The following NAP1L1 variants were observed in gnomAD, a reference collection of about 807,000 sequenced individuals.
NAP1L1 encodes nucleosome assembly protein 1 like 1, also known as nucleosome assembly protein 1-like 1.
Under a neutral mutation model 58.9 loss-of-function variants are expected in NAP1L1, and 9 were observed. The observed-to-expected ratio is 0.15, with a 90% confidence interval of 0.09 to 0.27. NAP1L1 has a LOEUF of 0.27. NAP1L1 is among the 10% of genes least tolerant of loss of function. The pLI is 1.00. For synonymous variants in NAP1L1, 130 were observed against 138.3 expected (o/e 0.94, Z 0.42); for missense variants, 302 against 458.8 (o/e 0.66, Z 3.12).
rs200427638 is a variant in NAP1L1, at chr12:76,069,006, T to C, written c.18-12A>G. 1.6e-5 allele frequency: 25 copies of C among 1,585,698 alleles called. 1 individual carries two copies. The highest frequency in any genetic ancestry group is 1.7e-4 in the Middle Eastern group (1 of 5,976). On this transcript the variant is annotated splice_polypyrimidine_tract_variant and intron_variant, in intron 2 of 14. Coordinates refer to ENST00000618691, the MANE Select transcript of NAP1L1 (RefSeq NM_004537.7). Reference sequence around the variant, plus strand: ...CAGACTGTTCTTTGCTATAATATCATAGTATCACACCAAGGTTCAAATGTA... The same window carrying C: ...CAGACTGTTCTTTGCTATAATATCACAGTATCACACCAAGGTTCAAATGTA...
At chr12:76,061,524 A>C (rs917923179) in intron 4 of NAP1L1, among the ~76,000 whole-genome samples, 1 of 152,172 alleles carries the variant, frequency 6.6e-6, no homozygotes, top group Non-Finnish European at 1.5e-5. Flanking sequence ...TCTGTCACTG[A>C]TGGGCATTTA....
At chr12:76,059,699 G>T (rs1055930316) in intron 6 of NAP1L1, 99 bp downstream of exon 6, 4 of 790,976 alleles carry the variant, frequency 5.1e-6, no homozygotes, top group Non-Finnish European at 8.2e-6. Context: ...AATACAACTG[G>T]TTATATAATA....
At chr12:76,058,810 C>G (rs7977777) in intron 6 of NAP1L1, among the ~76,000 whole-genome samples, 83,213 of 152,038 alleles carry the variant, frequency 0.55, 24,582 homozygotes, top group East Asian at 0.96. Context: ...GGCTTCCTCA[C>G]CAATAATATG....
rs1948519725 is a variant in NAP1L1 at position 76,038,518 on chromosome 12, T to C, written c.*9911A>G. The C allele has an allele frequency of 6.6e-6, 1 of 152,170 alleles. No homozygotes were observed. The highest frequency in any genetic ancestry group is 1.5e-5 in the Non-Finnish European group (1 of 68,048). The allele number at this position is 152,170 out of a possible 1,614,324, so 9.4% of individuals were successfully genotyped here. On this transcript the variant is annotated 3_prime_UTR_variant, in exon 15 of 15. Coordinates refer to ENST00000618691, the MANE Select transcript of NAP1L1 (RefSeq NM_004537.7). The stretch of plus-strand genomic sequence containing the variant: ...CCTTTCTTAGGTGATAGAGGACATA[T>C]AGCAGTGAGTGTAGACAATTCCTCC...
At chr12:76,070,439 CT>C (rs1296890954) in intron 2 of NAP1L1, among the ~76,000 whole-genome samples, 1 of 152,176 alleles carries the variant, frequency 6.6e-6, no homozygotes, top group Non-Finnish European at 1.5e-5. Context: ...TTAGTATAAA[CT>C]TTAAGTGTTT....
intron 11 of NAP1L1, among the ~76,000 whole-genome samples, chr12:76,052,275 A>C (rs994857838): frequency 1.3e-4 from 20 of 152,158 alleles, no homozygotes; most frequent in South Asian, 4.1e-4. Context: ...ACAAAAAAAA[A>C]CCCCAAACTT....
In NAP1L1 at chr12:76,046,017, T is replaced by G. The variant is rs1209688824; in HGVS notation, c.*2412A>C. 1.3e-5 allele frequency: 2 copies of G among 151,892 alleles called. No individual in the cohort carries two copies. Among genetic ancestry groups the G allele is most frequent in the Non-Finnish European group, 2.9e-5 (2 of 67,872 alleles). The allele number at this position is 151,892 out of a possible 1,614,324, so 9.4% of individuals were successfully genotyped here. A position where few individuals can be genotyped will look rare whatever the true frequency, so the allele number is the denominator to read the frequency against. On this transcript the variant is annotated 3_prime_UTR_variant, in exon 15 of 15. Coordinates refer to ENST00000618691, the MANE Select transcript of NAP1L1 (RefSeq NM_004537.7). ...TAGTCTTCAAATAATAAACTCCACT[T>G]AGCAGGGATTGTGAGGTTGCTCTTA...
chr12:76,083,404 C>A (rs1950482124), intron 1 of NAP1L1, among the ~76,000 whole-genome samples: 1 of 150,960 alleles, frequency 6.6e-6, no homozygotes, highest in Non-Finnish European at 1.5e-5. Context: ...TTTTGGCTTC[C>A]CTGGGCCACA....
chr12:76,073,543 A>G (rs991168905), intron 2 of NAP1L1, among the ~76,000 whole-genome samples: 2 of 152,204 alleles, frequency 1.3e-5, no homozygotes, highest in Middle Eastern at 3.2e-3. Flanking sequence ...ACTATGACCC[A>G]GATAGTCTTT....
intron 1 of NAP1L1, among the ~76,000 whole-genome samples, chr12:76,078,354 T>C (rs1318755541): frequency 6.6e-6 from 1 of 152,168 alleles, no homozygotes; most frequent in Non-Finnish European, 1.5e-5. Context: ...CCAAGCTATG[T>C]ACTTAAAATG....
intron 3 of NAP1L1, 174 bp downstream of exon 3, chr12:76,068,735 T>TCCACACACACACACAC (rs1555184949): frequency 3.5e-6 from 1 of 281,758 alleles, no homozygotes; most frequent in African/African-American, 2.9e-5. Context: ...ACCCGCCCCT[T>TCCACACACACACACAC]ACACACACAC....
chr12:76,068,268 C>G (rs1304440152), intron 3 of NAP1L1, among the ~76,000 whole-genome samples: 1 of 152,114 alleles, frequency 6.6e-6, no homozygotes, highest in Admixed American at 6.5e-5. Context: ...GGATACAGTT[C>G]TGTATCTGTT....
At position 76,073,969 on chromosome 12, in the gene NAP1L1, ATAGTGACAAATGGTTTAG is replaced by A. The variant is rs1592693128; in HGVS notation, c.17+216_17+233del. 5 of 395,850 alleles carry A rather than the reference ATAGTGACAAATGGTTTAG, an allele frequency of 1.3e-5. No individual in the cohort carries two copies. The East Asian group carries it at 1.6e-4, about 13-fold the overall frequency. The allele number at this position is 395,850 out of a possible 1,614,324, so 24.5% of individuals were successfully genotyped here. On this transcript the variant is annotated intron_variant, in intron 2 of 14. Coordinates refer to ENST00000618691, the MANE Select transcript of NAP1L1 (RefSeq NM_004537.7). ...TATCATGCTCAGCATTTTCTTAAAA[ATAGTGACAAATGGTTTAG>A]TATATACGATGGTTTCGAATATATG... is the stretch of plus-strand genomic sequence containing the variant.
At chr12:76,059,995 C>A in intron 5 of NAP1L1, 117 bp from the exon 6 acceptor site, 2 of 1,165,152 alleles carry the variant, frequency 1.7e-6, no homozygotes, top group Non-Finnish European at 1.2e-6. Flanking sequence ...ACTTTAACTG[C>A]TATTATTGAT....
rs1304359378 is a variant in NAP1L1, at chr12:76,037,692, C to T, written c.*10737G>A. 6.6e-6 allele frequency: 1 copy of T among 152,234 alleles called. No homozygotes were observed. The highest frequency in any genetic ancestry group is 1.5e-5 in the Non-Finnish European group (1 of 68,068). The allele number at this position is 152,234 out of a possible 1,614,324, so 9.4% of individuals were successfully genotyped here. ...GTCCTCGCAGCCTCCAATTTACCTTCCCAAATCCTCTGTAAACCTTTCATT... is the reference window on the plus strand; with the variant it reads ...GTCCTCGCAGCCTCCAATTTACCTTTCCAAATCCTCTGTAAACCTTTCATT... On this transcript the variant is annotated 3_prime_UTR_variant, in exon 15 of 15. Transcript: ENST00000618691.
chr12:76,072,923 G>T (rs78293610), intron 2 of NAP1L1, among the ~76,000 whole-genome samples: 1 of 151,974 alleles, frequency 6.6e-6, no homozygotes, highest in African/African-American at 2.4e-5. Context: ...CTAACAAACC[G>T]AGAAAGCAAT....
chr12:76,048,378 T>C lies in NAP1L1; in HGVS notation c.*51A>G. The C allele has an allele frequency of 6.3e-7, 1 of 1,589,702 alleles. No homozygotes were observed. Among genetic ancestry groups the C allele is most frequent in the Non-Finnish European group, 8.6e-7 (1 of 1,162,756 alleles). ...TAAGGCTGTAAGTAAATAAGAGTTG[T>C]GTTTAGGCTATTACAGTGCAGGTTA... is the stretch of plus-strand genomic sequence containing the variant. On this transcript the variant is annotated 3_prime_UTR_variant, in exon 15 of 15. Coordinates refer to ENST00000618691, the MANE Select transcript of NAP1L1 (RefSeq NM_004537.7).
Position 76,046,655 on chromosome 12 carries a change from T to C in NAP1L1, c.*1774A>G, listed in dbSNP as rs1319587477. The C allele has an allele frequency of 2.0e-5, 3 of 152,462 alleles. No individual in the cohort carries two copies. Among genetic ancestry groups the C allele is most frequent in the Non-Finnish European group, 4.4e-5 (3 of 67,912 alleles). The allele number at this position is 152,462 out of a possible 1,614,324, so 9.4% of individuals were successfully genotyped here. A position where few individuals can be genotyped will look rare whatever the true frequency, so the allele number is the denominator to read the frequency against. ...TGTTCACATTCCAAGACCTTAACAC[T>C]AACTTCTCAGAAAGGAAGTTTTCAT... On this transcript the variant is annotated 3_prime_UTR_variant, in exon 15 of 15. Transcript: ENST00000618691.
At position 76,046,291 on chromosome 12, in the gene NAP1L1, A is replaced by G. The variant is rs1398472637; in HGVS notation, c.*2138T>C. 2.0e-5 allele frequency: 3 copies of G among 152,402 alleles called. No individual in the cohort carries two copies. The highest frequency in any genetic ancestry group is 4.4e-5 in the Non-Finnish European group (3 of 67,900). 9.4% of individuals were successfully genotyped at this position (152,402 alleles called of 1,614,324 possible). A position where few individuals can be genotyped will look rare whatever the true frequency, so the allele number is the denominator to read the frequency against. On this transcript the variant is annotated 3_prime_UTR_variant, in exon 15 of 15. Transcript: ENST00000618691. ...ATGGCATAAACACTGACGTCCCTTA[A>G]AACTTCAATTTTATAAAGAAAATTC...
Sources: gnomAD v4.1 joint callset for allele counts (sites outside exome capture counted in the v4.1 genomes callset) on GRCh38, gnomAD v4.1.1 for gene constraint, MANE v1.5 for transcripts, NCBI Gene and HGNC (gene_info 2026-07-23, HGNC 2026-07-21) for gene names.